PMS1: variants seen among roughly 807,000 people sequenced by gnomAD.
The protein encoded by PMS1 is PMS1 homolog 1, mismatch repair system component.
A neutral mutation model predicts 93.1 loss-of-function variants in PMS1; 79 were observed. That is an observed-to-expected ratio of 0.85 (90% CI 0.71 to 1.02). The LOEUF (loss-of-function observed/expected upper bound fraction) is 1.02, where lower values mean the gene tolerates loss of function less well. Ranked by LOEUF, PMS1 falls within the 50% of genes least tolerant of loss-of-function variation. The probability of loss-of-function intolerance (pLI) is 0.00; values close to 1 mark genes in which losing one functional copy is unlikely to be tolerated. For missense variants in PMS1, 1,064 were observed against 1,085.3 expected (o/e 0.98, Z 0.28); for synonymous variants, 335 against 363.4 (o/e 0.92, Z 0.89).
chr2:189,813,803 C>T (rs539164117), intron 4 of PMS1, among the ~76,000 whole-genome samples: 9 of 152,262 alleles, frequency 5.9e-5, no homozygotes, highest in South Asian at 4.1e-4. Context: ...ATGTGTTACA[C>T]GGGACTGTTG....
At chr2:189,791,714 T>A (rs2048885548) in intron 1 of PMS1, 76 bp from the exon 2 acceptor site, 5 of 979,170 alleles carry the variant, frequency 5.1e-6, no homozygotes, top group Admixed American at 1.8e-5. Flanking sequence ...TATTTTCATC[T>A]GTCATTATTA....
intron 3 of PMS1, among the ~76,000 whole-genome samples, chr2:189,801,429 C>T (rs529028711): frequency 1.9e-4 from 29 of 152,054 alleles, no homozygotes; most frequent in Admixed American, 9.8e-4. Flanking sequence ...CTGTCTTGAC[C>T]GTCTCATAAA....
rs1449160010 is a variant in PMS1, at chr2:189,854,481, T to C, written c.1209T>C (p.Thr403=). 14 of 1,613,634 alleles carry C rather than the reference T, an allele frequency of 8.7e-6. No homozygotes were observed. Among genetic ancestry groups the C allele is most frequent in the Non-Finnish European group, 1.2e-5 (14 of 1,179,706 alleles). The change falls in exon 9 of 13, where the codon ACT becomes ACC. Residue 403 remains threonine, a synonymous_variant. Coordinates refer to ENST00000441310, the MANE Select transcript of PMS1 (RefSeq NM_000534.5). ...ATAATGATGAATCTGGAAAAAACAC[T>C]GATGATTGTTTAAATCACCAGATAA... ...DMHNDESGKN[T]DDCLNHQISI...
chr2:189,856,211 C>A (rs1284142037), intron 9 of PMS1, among the ~76,000 whole-genome samples: 1 of 150,870 alleles, frequency 6.6e-6, no homozygotes, highest in Non-Finnish European at 1.5e-5. Flanking sequence ...GAAATATCCA[C>A]AAAAGTAGAC....
Position 189,864,019 on chromosome 2 carries a change from G to C in PMS1, c.2133G>C (p.Lys711Asn). The C allele has an allele frequency of 6.2e-7, 1 of 1,609,502 alleles. No individual in the cohort carries two copies. Among genetic ancestry groups the C allele is most frequent in the Non-Finnish European group, 8.5e-7 (1 of 1,176,958 alleles). ...TGAAAAACTTAAAAATAAATTTTAA[G>C]AAACAAAACAAAGTTGACTTAGAAG... The part of the protein sequence containing the change: ...FSMKNLKINF[K>N]KQNKVDLEEK... The change falls in exon 10 of 13, where the codon AAG becomes AAC. Residue 711 changes from lysine (K) to asparagine (N), a missense_variant. Lys to Asn is a moderately conservative substitution (Grantham distance 94, BLOSUM62 0). Coordinates refer to ENST00000441310, the MANE Select transcript of PMS1 (RefSeq NM_000534.5).
chr2:189,791,818 A>C lies in PMS1; in HGVS notation c.9A>C (p.Gln3His). The C allele has an allele frequency of 6.2e-7, 1 of 1,613,936 alleles. No individual in the cohort carries two copies. The part of the protein sequence containing the change: MK[Q>H]LPAATVRLLS... ...CTCTGTTAAAAGCGAAAATGAAACAATTGCCTGCGGCAACAGTTCGACTCC... is the reference window on the plus strand; with the variant it reads ...CTCTGTTAAAAGCGAAAATGAAACACTTGCCTGCGGCAACAGTTCGACTCC... Residue 3 changes from glutamine to histidine, a missense_variant, in exon 2 of 13, where the codon CAA becomes CAC. Coordinates refer to ENST00000441310, the MANE Select transcript of PMS1 (RefSeq NM_000534.5).
In PMS1 at chr2:189,865,032, G is replaced by A. The variant is rs939725760; in HGVS notation, c.2342+804G>A. Reference sequence around the variant, plus strand: ...TATACACGTACATTTTCTTTCCTTCGCAAAATTAGTTTAGAACAATTCCCC... The same window carrying A: ...TATACACGTACATTTTCTTTCCTTCACAAAATTAGTTTAGAACAATTCCCC... On this transcript the variant is annotated intron_variant, in intron 10 of 12. Coordinates refer to ENST00000441310, the MANE Select transcript of PMS1 (RefSeq NM_000534.5). Among the ~76,000 whole-genome samples the A allele has an allele frequency of 3.3e-5, 5 of 150,826 alleles. No homozygotes were observed. In the South Asian group the frequency reaches 8.4e-4, roughly 25 times the overall value.
Position 189,864,074 on chromosome 2 carries a change from C to A in PMS1, c.2188C>A (p.Leu730Ile), listed in dbSNP as rs2106510273. 1 of 1,613,534 alleles carries A rather than the reference C, an allele frequency of 6.2e-7. No individual in the cohort carries two copies. Among genetic ancestry groups the A allele is most frequent in the African/African-American group, 1.3e-5 (1 of 74,964 alleles). ...EKDEPCLIHN[L>I]RFPDAWLMTS... is the part of the protein sequence containing the mutation. Reference sequence around the variant, plus strand: ...GGATGAACCTTGCTTGATCCACAATCTCAGGTTTCCTGATGCATGGCTAAT... The same window carrying A: ...GGATGAACCTTGCTTGATCCACAATATCAGGTTTCCTGATGCATGGCTAAT... The change falls in exon 10 of 13, where the codon CTC (leucine) becomes ATC (isoleucine). Residue 730 changes from leucine to isoleucine, a missense_variant. Coordinates refer to ENST00000441310, the MANE Select transcript of PMS1 (RefSeq NM_000534.5).
At position 189,873,762 on chromosome 2, in the gene PMS1, G is replaced by C. The variant is rs151156844; in HGVS notation, c.2634+106G>C. On this transcript the variant is annotated intron_variant, in intron 12 of 12. Transcript: ENST00000441310. Reference sequence around the variant, plus strand: ...AGCAGGAGGTGAGCGGCCTCCTAGCGGGCATCACCACCTGAGCTCTGCCTT... The same window carrying C: ...AGCAGGAGGTGAGCGGCCTCCTAGCCGGCATCACCACCTGAGCTCTGCCTT... The C allele has an allele frequency of 4.1e-6, 3 of 734,052 alleles. No individual in the cohort carries two copies. The East Asian group carries it at 8.1e-5, about 20-fold the overall frequency. The allele number at this position is 734,052 out of a possible 1,614,324, so 45.5% of individuals were successfully genotyped here. A position where few individuals can be genotyped will look rare whatever the true frequency, so the allele number is the denominator to read the frequency against.
At chr2:189,789,756 G>A (rs5742968) in intron 1 of PMS1, among the ~76,000 whole-genome samples, 232 of 152,238 alleles carry the variant, frequency 1.5e-3, no homozygotes, top group Non-Finnish European at 3.0e-3. Flanking sequence ...CATCATAGGA[G>A]CATGTAACTA....
chr2:189,822,477 A>T (rs2052014942), intron 5 of PMS1, among the ~76,000 whole-genome samples: 1 of 152,080 alleles, frequency 6.6e-6, no homozygotes. Flanking sequence ...GGGTCAGCTG[A>T]TCGAGACTGG....
chr2:189,854,166 T>C, intron 8 of PMS1, 73 bp from the exon 9 acceptor site: 2 of 1,381,516 alleles, frequency 1.4e-6, no homozygotes, highest in Non-Finnish European at 2.0e-6. Flanking sequence ...TTTATATTTA[T>C]CTTTTTTATT....
chr2:189,790,400 G>A (rs1261753186), intron 1 of PMS1, among the ~76,000 whole-genome samples: 1 of 152,136 alleles, frequency 6.6e-6, no homozygotes, highest in Non-Finnish European at 1.5e-5. Context: ...TATTACCATA[G>A]CATTTGTTTT....
At chr2:189,825,391 G>A (rs1303498245) in intron 5 of PMS1, among the ~76,000 whole-genome samples, 1 of 152,088 alleles carries the variant, frequency 6.6e-6, no homozygotes, top group African/African-American at 2.4e-5. Context: ...ATCCCTGTGA[G>A]GTCCTACTGT....
chr2:189,830,219 G>A (rs1298390074), intron 5 of PMS1, among the ~76,000 whole-genome samples: 1 of 152,172 alleles, frequency 6.6e-6, no homozygotes, highest in Non-Finnish European at 1.5e-5. Context: ...AAACAGGAAG[G>A]CCATGGGCTG....
intron 6 of PMS1, among the ~76,000 whole-genome samples, chr2:189,850,785 G>A (rs2054622564): frequency 6.6e-6 from 1 of 152,142 alleles, no homozygotes; most frequent in Non-Finnish European, 1.5e-5. Flanking sequence ...AGAGAATTGT[G>A]AGGGTGTCGG....
intron 4 of PMS1, among the ~76,000 whole-genome samples, chr2:189,809,818 G>A (rs2050680667): frequency 6.6e-6 from 1 of 152,114 alleles, no homozygotes; most frequent in South Asian, 2.1e-4. Flanking sequence ...GGCAACAAGA[G>A]TGAAACTCCA....
chr2:189,817,366 A>G (rs1288196656), intron 4 of PMS1, among the ~76,000 whole-genome samples: 5 of 152,252 alleles, frequency 3.3e-5, no homozygotes, highest in Non-Finnish European at 4.4e-5. Context: ...TTTTAAAAAT[A>G]TGTACCTATG....
At chr2:189,792,897 C>G (rs2049019199) in intron 2 of PMS1, among the ~76,000 whole-genome samples, 1 of 151,650 alleles carries the variant, frequency 6.6e-6, no homozygotes, top group Non-Finnish European at 1.5e-5. Context: ...CTGCACTCTC[C>G]CTCCCCGGTT....
Sources: allele counts gnomAD v4.1 joint callset (sites outside exome capture counted in the v4.1 genomes callset), GRCh38; gene constraint gnomAD v4.1.1; transcripts MANE v1.5; gene names NCBI Gene and HGNC (gene_info 2026-07-23, HGNC 2026-07-21).